TENM2: variants seen among roughly 807,000 people sequenced by gnomAD.
TENM2 encodes the protein teneurin-2.
In TENM2, 52 loss-of-function variants were observed where a neutral mutation model predicts 245.2. That is an observed-to-expected ratio of 0.21 (90% CI 0.17 to 0.27). TENM2 has a LOEUF of 0.27. Ranked by LOEUF, TENM2 falls within the 10% of genes least tolerant of loss-of-function variation. The pLI, the probability that TENM2 is intolerant of heterozygous loss-of-function variation, is 1.00. For missense variants in TENM2, 3,046 were observed against 3,666.8 expected (o/e 0.83, Z 4.37); for synonymous variants, 1,363 against 1,438.9 (o/e 0.95, Z 1.19).
At chr5:168,262,287 A>G in exon 29 of TENM2, 2 of 1,609,666 alleles carry the variant, frequency 1.2e-6, no homozygotes, top group Non-Finnish European at 1.7e-6. Context: ...TCTGTGCTGA[A>G]CAACGCCTAC....
the TENM2 span, among the ~76,000 whole-genome samples, chr5:166,990,309 A>G: frequency 6.6e-6 from 1 of 152,174 alleles, no homozygotes; most frequent in Non-Finnish European, 1.5e-5. Flanking sequence ...CGAAATTAAT[A>G]TATTTATCCT....
intron 2 of TENM2, among the ~76,000 whole-genome samples, chr5:167,699,870 A>G (rs1347056346): frequency 6.6e-6 from 1 of 152,238 alleles, no homozygotes; most frequent in African/African-American, 2.4e-5. Flanking sequence ...TAGTTTCCCT[A>G]ATATGCAAAT....
At chr5:167,923,127 C>T (rs974315087) in intron 3 of TENM2, among the ~76,000 whole-genome samples, 1 of 152,144 alleles carries the variant, frequency 6.6e-6, no homozygotes, top group Non-Finnish European at 1.5e-5. Flanking sequence ...AGTTTGAGAT[C>T]AGCCTGGCCA....
chr5:168,052,455 C>T (rs1233429248), intron 6 of TENM2, among the ~76,000 whole-genome samples: 2 of 150,478 alleles, frequency 1.3e-5, no homozygotes, highest in African/African-American at 5.0e-5. Context: ...TATATATATA[C>T]ACACACACAT....
chr5:167,834,346 GC>G (rs1305714210), intron 2 of TENM2, among the ~76,000 whole-genome samples: 1 of 152,154 alleles, frequency 6.6e-6, no homozygotes, highest in Non-Finnish European at 1.5e-5. Context: ...ACTCACTGAG[GC>G]CTTTTAAGAC....
intron 2 of TENM2, among the ~76,000 whole-genome samples, chr5:167,487,242 T>C (rs1045273005): frequency 7.2e-5 from 11 of 152,142 alleles, no homozygotes; most frequent in African/African-American, 2.7e-4. Context: ...CAGGATGATA[T>C]CTGAATTTGC....
intron 2 of TENM2, among the ~76,000 whole-genome samples, chr5:167,720,407 A>C (rs926134945): frequency 3.3e-5 from 5 of 152,236 alleles, no homozygotes; most frequent in African/African-American, 1.2e-4. Flanking sequence ...CGGATGTTCC[A>C]GTACATACTT....
At chr5:168,256,973 C>A (rs1767723250) in intron 27 of TENM2, among the ~76,000 whole-genome samples, 1 of 152,228 alleles carries the variant, frequency 6.6e-6, no homozygotes, top group Admixed American at 6.5e-5. Context: ...TCCACTGTCA[C>A]ACTACTACTA....
intron 1 of TENM2, among the ~76,000 whole-genome samples, chr5:167,344,316 A>C (rs1450181645): frequency 1.4e-5 from 2 of 143,428 alleles, no homozygotes; most frequent in East Asian, 4.1e-4. Context: ...ACACATATAT[A>C]TATATATATA....
At chr5:167,043,370 G>T in the TENM2 span, among the ~76,000 whole-genome samples, 1 of 152,182 alleles carries the variant, frequency 6.6e-6, no homozygotes, top group African/African-American at 2.4e-5. Context: ...TCAAAGAAAG[G>T]AATGTTTATT....
At chr5:167,574,327 A>G (rs7734360) in intron 2 of TENM2, among the ~76,000 whole-genome samples, 66,584 of 152,130 alleles carry the variant, frequency 0.44, 17,361 homozygotes, top group Non-Finnish European at 0.6. Context: ...AATTCTAAAC[A>G]GCTAACGGAA....
At chr5:167,022,985 T>G in the TENM2 span, among the ~76,000 whole-genome samples, 1 of 152,254 alleles carries the variant, frequency 6.6e-6, no homozygotes, top group African/African-American at 2.4e-5. Flanking sequence ...TCTGTGATAC[T>G]TTGCCAAGGC....
At chr5:167,433,174 A>G (rs139446020) in intron 2 of TENM2, among the ~76,000 whole-genome samples, 1 of 151,842 alleles carries the variant, frequency 6.6e-6, no homozygotes, top group African/African-American at 2.4e-5. Flanking sequence ...AACAAAGTTT[A>G]TTAACAGCAG....
intron 9 of TENM2, among the ~76,000 whole-genome samples, chr5:168,104,986 C>G (rs1447532114): frequency 6.6e-6 from 1 of 152,132 alleles, no homozygotes; most frequent in African/African-American, 2.4e-5. Flanking sequence ...AGCTTCTGGT[C>G]TGACCAGTTT....
the TENM2 span, among the ~76,000 whole-genome samples, chr5:167,078,920 C>T: frequency 6.6e-6 from 1 of 152,072 alleles, no homozygotes; most frequent in Non-Finnish European, 1.5e-5. Context: ...GCTTGGGGGC[C>T]ATGTTAGACA....
At chr5:167,267,676 ACC>A in the TENM2 span, among the ~76,000 whole-genome samples, 1 of 152,022 alleles carries the variant, frequency 6.6e-6, no homozygotes, top group Non-Finnish European at 1.5e-5. Flanking sequence ...ATTTCCTTGA[ACC>A]TCTGAGTGAT....
chr5:167,442,190 T>G (rs4257797), intron 2 of TENM2, among the ~76,000 whole-genome samples: 93,428 of 151,930 alleles, frequency 0.61, 29,150 homozygotes, highest in East Asian at 0.87. Context: ...TCTTTTTTCA[T>G]TCAGTGATAT....
At chr5:167,721,658 G>T (rs1211427818) in intron 2 of TENM2, among the ~76,000 whole-genome samples, 1 of 152,152 alleles carries the variant, frequency 6.6e-6, no homozygotes, top group Admixed American at 6.5e-5. Flanking sequence ...AGAAGGACAT[G>T]TGGATGAGTT....
chr5:167,312,496 A>G (rs1756096418), intron 1 of TENM2, among the ~76,000 whole-genome samples: 1 of 152,286 alleles, frequency 6.6e-6, no homozygotes, highest in East Asian at 1.9e-4. Context: ...AGACACAGAC[A>G]GGACTTCCTT....
Sources: allele counts gnomAD v4.1 joint callset (sites outside exome capture counted in the v4.1 genomes callset), GRCh38; gene constraint gnomAD v4.1.1; transcripts MANE v1.5; gene names NCBI Gene and HGNC (gene_info 2026-07-23, HGNC 2026-07-21).